Variants in BTBD16 observed in about 807,000 individuals in gnomAD.
The protein encoded by BTBD16 is BTB/POZ domain-containing protein 16.
BTBD16 carries 66 observed loss-of-function variants against 67.4 expected under a neutral mutation model. The observed-to-expected ratio is 0.98, with a 90% CI of 0.80 to 1.20. The LOEUF (loss-of-function observed/expected upper bound fraction) is 1.20. Among genes scored for constraint, BTBD16 ranks in the 50% most tolerant of loss-of-function variants. The probability of loss-of-function intolerance (pLI) is 0.00; values close to 1 mark genes in which losing one functional copy is unlikely to be tolerated. For missense variants in BTBD16, 634 were observed against 616.0 expected, an observed-to-expected ratio of 1.03 and a Z score of -0.31; for synonymous variants, 242 against 236.4, an observed-to-expected ratio of 1.02 and a Z score of -0.22.
intron 10 of BTBD16, among the ~76,000 whole-genome samples, chr10:122,310,705 C>T (rs898167792): frequency 2.0e-5 from 3 of 152,116 alleles, no homozygotes; most frequent in African/African-American, 7.2e-5. Context: ...TTAAAAATTG[C>T]AAATATTGAT....
intron 7 of BTBD16, among the ~76,000 whole-genome samples, chr10:122,294,872 C>T (rs1423721298): frequency 6.6e-6 from 1 of 152,246 alleles, no homozygotes; most frequent in Non-Finnish European, 1.5e-5. Flanking sequence ...ACTCATTTCT[C>T]CCCTGCAACT....
chr10:122,298,856 T>A, intron 8 of BTBD16, 148 bp from the exon 9 acceptor site: 1 of 963,634 alleles, frequency 1.0e-6, no homozygotes, highest in Non-Finnish European at 1.5e-6. Flanking sequence ...AGAAAAGGTA[T>A]CTGCTGTAAT....
chr10:122,316,244 G>A (rs1186100893), intron 10 of BTBD16, among the ~76,000 whole-genome samples: 3 of 152,152 alleles, frequency 2.0e-5, no homozygotes, highest in Non-Finnish European at 2.9e-5. Flanking sequence ...TCCAGCCTGG[G>A]TGACTGAACG....
chr10:122,291,311 T>C, intron 7 of BTBD16, 117 bp downstream of exon 7: 2 of 1,316,884 alleles, frequency 1.5e-6, no homozygotes, highest in Non-Finnish European at 2.0e-6. Flanking sequence ...TCAGGTGTCT[T>C]TGTGCCAAGC....
chr10:122,334,959 T>G lies in BTBD16; in HGVS notation c.1243T>G (p.Ser415Ala). 6.5e-7 allele frequency: 1 copy of G among 1,536,980 alleles called. No individual in the cohort carries two copies. The highest frequency in any genetic ancestry group is 9.0e-7 in the Non-Finnish European group (1 of 1,114,854). ...AAAGGGACTCAAACATGATACTACC[T>G]CTTATAGTTTTTACATGCAGGTAAG... is the stretch of plus-strand genomic sequence containing the variant. ...KIKGLKHDTTSYSFYMQRIKH... is the reference protein window; with the variant it reads ...KIKGLKHDTTAYSFYMQRIKH... The change falls in exon 14 of 16, where the codon TCT becomes GCT. Residue 415 changes from serine to alanine, a missense_variant. Physicochemically the swap from Ser to Ala is moderately conservative, Grantham distance 99. Coordinates refer to ENST00000260723, the MANE Select transcript of BTBD16 (RefSeq NM_144587.5).
chr10:122,331,343 T>G, intron 12 of BTBD16, 85 bp downstream of exon 12: 1 of 1,578,096 alleles, frequency 6.3e-7, no homozygotes, highest in Non-Finnish European at 8.6e-7. Context: ...GTTTCACATT[T>G]GAAACCTCTA....
chr10:122,276,553 C>G (rs1193026080), intron 2 of BTBD16, among the ~76,000 whole-genome samples: 3 of 152,216 alleles, frequency 2.0e-5, no homozygotes, highest in Admixed American at 6.5e-5. Flanking sequence ...CTCTTACCCT[C>G]TGACACCTCT....
chr10:122,271,713 A>G (rs950119273), intron 1 of BTBD16, among the ~76,000 whole-genome samples, 199 bp downstream of exon 1: 3 of 152,122 alleles, frequency 2.0e-5, no homozygotes, highest in South Asian at 2.1e-4. Flanking sequence ...GCCCACAGGG[A>G]CCTTGGCACA....
chr10:122,282,923 G>A (rs11200527), intron 3 of BTBD16, among the ~76,000 whole-genome samples: 23,870 of 152,232 alleles, frequency 0.16, 2,356 homozygotes, highest in South Asian at 0.32. Context: ...GGGGAAAGGC[G>A]AGGAGGAGAG....
intron 3 of BTBD16, among the ~76,000 whole-genome samples, chr10:122,282,227 G>A (rs1290789516): frequency 1.3e-5 from 2 of 152,146 alleles, no homozygotes; most frequent in Non-Finnish European, 2.9e-5. Flanking sequence ...TTGGGATCAC[G>A]GTCTGAACTC....
intron 3 of BTBD16, among the ~76,000 whole-genome samples, chr10:122,279,949 A>C (rs542869719): frequency 4.6e-5 from 7 of 152,042 alleles, no homozygotes; most frequent in Non-Finnish European, 7.4e-5. Context: ...CGGGTATGTA[A>C]TTGTGCCCAG....
At chr10:122,332,916 T>C (rs998643069) in intron 13 of BTBD16, 3 of 985,110 alleles carry the variant, frequency 3.0e-6, no homozygotes, top group Non-Finnish European at 3.6e-6. Context: ...TTTAAGCTTA[T>C]AGGGGTGAAC....
chr10:122,275,135 A>G (rs2096337704), intron 2 of BTBD16, 36 bp downstream of exon 2: 6 of 1,601,930 alleles, frequency 3.7e-6, no homozygotes, highest in Non-Finnish European at 5.1e-6. Context: ...GTAGGTGATG[A>G]GAAGAAGCAT....
intron 10 of BTBD16, among the ~76,000 whole-genome samples, 197 bp downstream of exon 10, chr10:122,307,505 A>G (rs1463020958): frequency 6.6e-6 from 1 of 152,122 alleles, no homozygotes; most frequent in Non-Finnish European, 1.5e-5. Context: ...AACAACATGT[A>G]GGTGTTGTAC....
At chr10:122,273,221 G>GATAGATATATATATATATATAT (rs1034902866) in intron 1 of BTBD16, among the ~76,000 whole-genome samples, 7 of 129,480 alleles carry the variant, frequency 5.4e-5, no homozygotes, top group African/African-American at 1.1e-4. Context: ...GCAACACAAA[G>GATAGATATATATATATATATAT]ATATATATAT....
chr10:122,278,955 G>A (rs1271161654), intron 3 of BTBD16, among the ~76,000 whole-genome samples: 1 of 152,202 alleles, frequency 6.6e-6, no homozygotes, highest in East Asian at 1.9e-4. Context: ...GGTAAGCCCA[G>A]GAGCTCATGT....
At chr10:122,277,084 G>A in intron 3 of BTBD16, 145 bp downstream of exon 3, 1 of 893,014 alleles carries the variant, frequency 1.1e-6, no homozygotes, top group Non-Finnish European at 1.6e-6. Flanking sequence ...CAGCTCTCAG[G>A]CATGGACAGG....
At chr10:122,312,309 C>CTTTT (rs58045019) in intron 10 of BTBD16, among the ~76,000 whole-genome samples, 10 of 105,624 alleles carry the variant, frequency 9.5e-5, no homozygotes, top group Non-Finnish European at 1.3e-4. Flanking sequence ...TTTTCTTTTT[C>CTTTT]TTTTTTTTTT....
Position 122,329,512 on chromosome 10 carries a change from A to G in BTBD16, c.944A>G (p.Asp315Gly). Residue 315 changes from aspartate to glycine, a missense_variant, in exon 11 of 16, where the codon GAC (aspartate) becomes GGC (glycine). Transcript: ENST00000260723. ...FPENCCFLDRDIGRSLRPLFL... is the reference protein window; with the variant it reads ...FPENCCFLDRGIGRSLRPLFL... Reference sequence around the variant, plus strand: ...GAGAACTGTTGCTTTCTGGACCGGGACATAGGACGGAGCTTGAGGCCGCTC... The same window carrying G: ...GAGAACTGTTGCTTTCTGGACCGGGGCATAGGACGGAGCTTGAGGCCGCTC... The G allele has an allele frequency of 1.2e-6, 2 of 1,613,836 alleles. No individual in the cohort carries two copies. Among genetic ancestry groups the G allele is most frequent in the East Asian group, 2.2e-5 (1 of 44,842 alleles).
Sources: allele counts gnomAD v4.1 joint callset (sites outside exome capture counted in the v4.1 genomes callset), GRCh38; gene constraint gnomAD v4.1.1; transcripts MANE v1.5; gene names NCBI Gene and HGNC (gene_info 2026-07-23, HGNC 2026-07-21).